Variants in CYTIP observed in about 807,000 individuals in gnomAD.
The protein encoded by CYTIP is cytohesin 1 interacting protein, also known as cytohesin-interacting protein.
A neutral mutation model predicts 43.8 loss-of-function variants in CYTIP; 26 were observed. That is an observed-to-expected ratio of 0.59 (90% CI 0.44 to 0.82). The LOEUF (loss-of-function observed/expected upper bound fraction) is 0.82, where lower values mean the gene tolerates loss of function less well. Ranked by LOEUF, CYTIP falls within the 40% of genes least tolerant of loss-of-function variation. CYTIP has a pLI of 0.00. For missense variants in CYTIP, 426 were observed against 443.1 expected (o/e 0.96, Z 0.35); for synonymous variants, 162 against 162.9 (o/e 0.99, Z 0.04).
At chr2:157,420,553 A>T (rs1685506398) in intron 6 of CYTIP, among the ~76,000 whole-genome samples, 1 of 146,500 alleles carries the variant, frequency 6.8e-6, no homozygotes, top group Non-Finnish European at 1.5e-5. Flanking sequence ...AAAGAGGCTG[A>T]TGTAGAAGGA....
chr2:157,443,338 C>CAA (rs397871281), intron 1 of CYTIP, among the ~76,000 whole-genome samples: 5,558 of 143,808 alleles, frequency 0.039, 146 homozygotes, highest in Admixed American at 0.084. Context: ...CTCATCTATC[C>CAA]AAAAAAAAAA....
At position 157,415,023 on chromosome 2, in the gene CYTIP, A is replaced by C. The variant is rs933895753; in HGVS notation, c.*654T>G. The C allele has an allele frequency of 1.3e-5, 2 of 152,240 alleles. No individual in the cohort carries two copies. Among genetic ancestry groups the C allele is most frequent in the African/African-American group, 4.8e-5 (2 of 41,460 alleles). The allele number at this position is 152,240 out of a possible 1,614,324, so 9.4% of individuals were successfully genotyped here. ...CACGACATCCCCACCCATTTTGTTT[A>C]GACTGTCTATAAAAATGACTTTATT... On this transcript the variant is annotated 3_prime_UTR_variant, in exon 8 of 8. Coordinates refer to ENST00000264192, the MANE Select transcript of CYTIP (RefSeq NM_004288.5).
chr2:157,434,809 TAA>T, intron 1 of CYTIP, 62 bp from the exon 2 acceptor site: 1 of 1,023,168 alleles, frequency 9.8e-7, no homozygotes, highest in Non-Finnish European at 1.5e-6. Flanking sequence ...TAAAATGTTC[TAA>T]ATCTCTCTCT....
rs1022372065 is a variant in CYTIP, at chr2:157,424,233, T to C, written c.546+3118A>G. Among the ~76,000 whole-genome samples the C allele has an allele frequency of 2.6e-5, 4 of 152,180 alleles. No homozygotes were observed. In the East Asian group the frequency reaches 7.7e-4, roughly 29 times the overall value. On this transcript the variant is annotated intron_variant, in intron 6 of 7. Transcript: ENST00000264192. ...TTCATTAGAGTTATTAGAATAGATA[T>C]TACTATTCTATAATTTAGCAAAGTG...
Position 157,443,910 on chromosome 2 carries a change from G to C in CYTIP, c.111C>G (p.Asp37Glu). The C allele has an allele frequency of 6.2e-7, 1 of 1,614,044 alleles. No individual in the cohort carries two copies. The highest frequency in any genetic ancestry group is 8.5e-7 in the Non-Finnish European group (1 of 1,179,976). ...YSTLTGSLTM[D>E]DNRRIQMLAD... ...CTAGCATTTGAATCCTTCTATTATC[G>C]TCCATCGTAAGGCTGCCGGTGAGTG... is the stretch of plus-strand genomic sequence containing the variant. The change falls in exon 1 of 8, where the codon GAC (aspartate) becomes GAG (glutamate). Residue 37 changes from aspartate to glutamate, a missense_variant. Coordinates refer to ENST00000264192, the MANE Select transcript of CYTIP (RefSeq NM_004288.5).
intron 7 of CYTIP, 23 bp from the exon 8 acceptor site, chr2:157,416,166 A>AAATGCC (rs755946463): frequency 6.4e-7 from 1 of 1,565,786 alleles, no homozygotes; most frequent in Admixed American, 1.8e-5. Flanking sequence ...GTCTACTGTG[A>AAATGCC]AATGGATCTG....
rs1219051590 is a variant in CYTIP at position 157,434,624 on chromosome 2, A to C, written c.224+74T>G. 3 of 1,134,284 alleles carry C rather than the reference A, an allele frequency of 2.6e-6. No individual in the cohort carries two copies. In the African/African-American group the frequency reaches 4.6e-5, roughly 17 times the overall value. 70.3% of individuals were successfully genotyped at this position (1,134,284 alleles called of 1,614,324 possible). On this transcript the variant is annotated intron_variant, in intron 2 of 7. Coordinates refer to ENST00000264192, the MANE Select transcript of CYTIP (RefSeq NM_004288.5). ...GAGAGAGAGAGAGAGAGAGGAAGAGAGAGGAAAAAACAGTCTGGAGAGCTA... is the reference window on the plus strand; with the variant it reads ...GAGAGAGAGAGAGAGAGAGGAAGAGCGAGGAAAAAACAGTCTGGAGAGCTA...
At chr2:157,443,678 T>A (rs951498864) in intron 1 of CYTIP, among the ~76,000 whole-genome samples, 169 bp downstream of exon 1, 2 of 152,248 alleles carry the variant, frequency 1.3e-5, no homozygotes, top group African/African-American at 4.8e-5. Flanking sequence ...CTCAAATCTT[T>A]GGACTGGTTC....
chr2:157,437,530 G>A (rs752931557), intron 1 of CYTIP, among the ~76,000 whole-genome samples: 4 of 151,566 alleles, frequency 2.6e-5, no homozygotes, highest in Admixed American at 1.3e-4. Context: ...GTAAAACCCC[G>A]TCTCTACAAA....
chr2:157,424,965 GTA>G (rs1335985220), intron 6 of CYTIP, among the ~76,000 whole-genome samples: 1 of 151,996 alleles, frequency 6.6e-6, no homozygotes, highest in Non-Finnish European at 1.5e-5. Context: ...AAAATAAATG[GTA>G]CTGGAAGAAC....
chr2:157,418,515 G>T lies in CYTIP; in HGVS notation c.613+8C>A. ...TAGTGTGGTTTCTGAACAGGAAATT[G>T]CATTTACCATGAAGCAGACGATGTT... On this transcript the variant is annotated splice_region_variant and intron_variant, in intron 7 of 7. Coordinates refer to ENST00000264192, the MANE Select transcript of CYTIP (RefSeq NM_004288.5). The T allele has an allele frequency of 6.3e-7, 1 of 1,583,272 alleles. No individual in the cohort carries two copies. The highest frequency in any genetic ancestry group is 8.6e-7 in the Non-Finnish European group (1 of 1,166,096).
At chr2:157,420,874 T>TAA (rs1365788571) in intron 6 of CYTIP, among the ~76,000 whole-genome samples, 3 of 152,226 alleles carry the variant, frequency 2.0e-5, no homozygotes, top group African/African-American at 7.2e-5. Context: ...AGGTCAACAG[T>TAA]AAAAACTAGA....
In CYTIP at chr2:157,418,602, A is replaced by T; in HGVS notation, c.547-13T>A. The T allele has an allele frequency of 6.9e-7, 1 of 1,447,608 alleles. No homozygotes were observed. The highest frequency in any genetic ancestry group is 1.5e-5 in the African/African-American group (1 of 68,182). 89.7% of individuals were successfully genotyped at this position (1,447,608 alleles called of 1,614,324 possible). A position where few individuals can be genotyped will look rare whatever the true frequency, so the allele number is the denominator to read the frequency against. ...GTTTCAAAGTTTGCTGTGAGATTAAAAAAAAAAAAAAAAAGTTTTTATTAT... is the reference window on the plus strand; with the variant it reads ...GTTTCAAAGTTTGCTGTGAGATTAATAAAAAAAAAAAAAAGTTTTTATTAT... On this transcript the variant is annotated splice_polypyrimidine_tract_variant and intron_variant, in intron 6 of 7. Transcript: ENST00000264192.
chr2:157,421,650 C>T lies in CYTIP; in HGVS notation c.547-3061G>A, dbSNP rs756845263. Among the ~76,000 whole-genome samples the T allele has an allele frequency of 3.4e-4, 52 of 152,210 alleles. 1 individual carries two copies. Among genetic ancestry groups the T allele is most frequent in the Non-Finnish European group, 6.9e-4 (47 of 68,010 alleles). On this transcript the variant is annotated intron_variant, in intron 6 of 7. Coordinates refer to ENST00000264192, the MANE Select transcript of CYTIP (RefSeq NM_004288.5). ...ATCATAGGTCAGAAGAAAGGGAATC[C>T]CTGAAAATGTGGATCAGAAAGGACC...
intron 1 of CYTIP, among the ~76,000 whole-genome samples, chr2:157,440,733 A>C (rs1685895277): frequency 6.6e-6 from 1 of 152,226 alleles, no homozygotes; most frequent in South Asian, 2.1e-4. Context: ...AAAGAGAGTC[A>C]GTCTGTGGTA....
chr2:157,428,523 T>C (rs1195744970), intron 5 of CYTIP, among the ~76,000 whole-genome samples: 1 of 152,248 alleles, frequency 6.6e-6, no homozygotes, highest in Non-Finnish European at 1.5e-5. Flanking sequence ...AATAGATGTG[T>C]ATGGGCAAAA....
intron 7 of CYTIP, among the ~76,000 whole-genome samples, chr2:157,417,946 G>A (rs1402880183): frequency 6.6e-6 from 1 of 152,142 alleles, no homozygotes; most frequent in Non-Finnish European, 1.5e-5. Flanking sequence ...ACAACAAATA[G>A]CGAATTAACA....
intron 3 of CYTIP, among the ~76,000 whole-genome samples, chr2:157,432,280 G>A (rs541326882): frequency 1.3e-5 from 2 of 152,206 alleles, no homozygotes; most frequent in African/African-American, 4.8e-5. Flanking sequence ...GTTCACATTG[G>A]GTGTAAAATA....
At chr2:157,418,933 C>T (rs1252080216) in intron 6 of CYTIP, among the ~76,000 whole-genome samples, 3 of 152,194 alleles carry the variant, frequency 2.0e-5, no homozygotes, top group African/African-American at 4.8e-5. Flanking sequence ...AGGATTCCCA[C>T]ATCTGTAGGA....
Sources: gnomAD v4.1 joint callset for allele counts (sites outside exome capture counted in the v4.1 genomes callset) on GRCh38, gnomAD v4.1.1 for gene constraint, MANE v1.5 for transcripts, NCBI Gene and HGNC (gene_info 2026-07-23, HGNC 2026-07-21) for gene names.